The following TACC2 variants were observed in gnomAD, a reference collection of about 807,000 sequenced individuals.
The protein encoded by TACC2 is transforming acidic coiled-coil containing protein 2.
TACC2 carries 137 observed loss-of-function variants against 227.3 expected under a neutral mutation model. The observed-to-expected ratio is 0.60, with a 90% CI of 0.52 to 0.69. The LOEUF is 0.69. Among genes scored for constraint, TACC2 ranks in the 30% least tolerant of loss-of-function variants. TACC2 has a pLI of 0.00. For synonymous variants in TACC2, 1,523 were observed against 1,487.5 expected, an observed-to-expected ratio of 1.02 and a Z score of -0.55; for missense variants, 3,470 against 3,694.4, an observed-to-expected ratio of 0.94 and a Z score of 1.57.
intron 5 of TACC2, among the ~76,000 whole-genome samples, chr10:122,095,204 T>C (rs767550102): frequency 3.9e-5 from 6 of 152,144 alleles, no homozygotes; most frequent in Non-Finnish European, 7.4e-5. Context: ...CTTTCACCAA[T>C]GCCAGCCACC....
chr10:122,226,444 C>T lies in TACC2; in HGVS notation c.7687C>T (p.Pro2563Ser), dbSNP rs2095630305. 1.2e-6 allele frequency: 2 copies of T among 1,614,054 alleles called. No individual in the cohort carries two copies. Among genetic ancestry groups the T allele is most frequent in the East Asian group, 4.5e-5 (2 of 44,858 alleles). The change falls in exon 13 of 23, where the codon CCC (proline) becomes TCC (serine). Residue 2563 changes from proline to serine, a missense_variant. This residue lies in a region of TACC2 where 345 missense variants were observed against 354.4 expected (regional missense o/e 0.97). Coordinates refer to ENST00000369005, the MANE Select transcript of TACC2 (RefSeq NM_206862.4). ...TSQESPVKSS[P>S]VRMSESPTPC... The stretch of plus-strand genomic sequence containing the variant: ...TCAGGAGAGCCCTGTCAAGTCATCT[C>T]CCGTCCGCATGTCAGAGTCCCCGAC...
chr10:122,243,326 T>G (rs1190407155), intron 19 of TACC2, among the ~76,000 whole-genome samples: 1 of 152,186 alleles, frequency 6.6e-6, no homozygotes, highest in African/African-American at 2.4e-5. Context: ...TGTCCAAGTT[T>G]GACACTGTGC....
chr10:122,127,815 A>G lies in TACC2; in HGVS notation c.5574-4794A>G, dbSNP rs531648274. Among the ~76,000 whole-genome samples the G allele has an allele frequency of 1.2e-4, 18 of 152,360 alleles. No individual in the cohort carries two copies. In the South Asian group the frequency reaches 1.9e-3, roughly 16 times the overall value. On this transcript the variant is annotated intron_variant, in intron 5 of 22. Coordinates refer to ENST00000369005, the MANE Select transcript of TACC2 (RefSeq NM_206862.4). Reference sequence around the variant, plus strand: ...TCAGAAAGGGCCCGGAGCTGACAGCACAAAGTCAATTTGACAGTTTATTTC... The same window carrying G: ...TCAGAAAGGGCCCGGAGCTGACAGCGCAAAGTCAATTTGACAGTTTATTTC...
At chr10:122,007,298 C>T (rs897699488) in intron 1 of TACC2, among the ~76,000 whole-genome samples, 3 of 151,950 alleles carry the variant, frequency 2.0e-5, no homozygotes, top group Non-Finnish European at 4.4e-5. Flanking sequence ...AATTGACAAT[C>T]TTTTTATTCC....
intron 8 of TACC2, among the ~76,000 whole-genome samples, chr10:122,207,628 A>T (rs1219443736): frequency 6.6e-6 from 1 of 152,224 alleles, no homozygotes; most frequent in African/African-American, 2.4e-5. Context: ...TGCCAAGGAT[A>T]AGAAACCCTG....
At chr10:122,177,446 A>G (rs542035344) in intron 7 of TACC2, among the ~76,000 whole-genome samples, 5 of 152,234 alleles carry the variant, frequency 3.3e-5, no homozygotes, top group African/African-American at 1.2e-4. Context: ...GCATGAACCT[A>G]TAATCCCAGC....
At position 122,108,442 on chromosome 10, in the gene TACC2, CTTT is replaced by C. The variant is rs34097153; in HGVS notation, c.5573+19869_5573+19871del. On this transcript the variant is annotated intron_variant, in intron 5 of 22. Coordinates refer to ENST00000369005, the MANE Select transcript of TACC2 (RefSeq NM_206862.4). Reference sequence around the variant, plus strand: ...TATATATATGTGTATGTCATATTTTCTTTTTTTTTTTTTTTTTTTTGAGATGGA... The same window carrying C: ...TATATATATGTGTATGTCATATTTTCTTTTTTTTTTTTTTTTTGAGATGGA... 3.6e-3 allele frequency among the ~76,000 whole-genome samples: 327 copies of C among 90,042 alleles called. 1 individual carries two copies. The highest frequency in any genetic ancestry group is 0.011 in the African/African-American group (259 of 23,520). 59.1% of individuals were successfully genotyped at this position (90,042 alleles called of 152,430 possible).
intron 17 of TACC2, 102 bp from the exon 18 acceptor site, chr10:122,237,859 A>T: frequency 1.1e-6 from 1 of 883,912 alleles, no homozygotes; most frequent in Non-Finnish European, 1.8e-6. Context: ...GGAAGTTTTC[A>T]TTCCACATTT....
At chr10:122,018,666 T>G (rs961941353) in intron 1 of TACC2, among the ~76,000 whole-genome samples, 2 of 152,236 alleles carry the variant, frequency 1.3e-5, no homozygotes, top group African/African-American at 4.8e-5. Flanking sequence ...CTGGCTTCTT[T>G]CACTTCGGGT....
intron 2 of TACC2, among the ~76,000 whole-genome samples, chr10:122,032,768 G>A (rs933128329): frequency 5.9e-5 from 9 of 152,050 alleles, no homozygotes; most frequent in Middle Eastern, 3.2e-3. Flanking sequence ...AAACCTTCCT[G>A]GCCAACATGG....
intron 11 of TACC2, among the ~76,000 whole-genome samples, chr10:122,217,601 G>T (rs2095437138): frequency 6.6e-6 from 1 of 151,640 alleles, no homozygotes; most frequent in Non-Finnish European, 1.5e-5. Context: ...ACCACCCCCG[G>T]CTAATTTTTT....
intron 3 of TACC2, among the ~76,000 whole-genome samples, chr10:122,068,090 T>C (rs1236228605): frequency 6.6e-6 from 1 of 152,188 alleles, no homozygotes; most frequent in Non-Finnish European, 1.5e-5. Flanking sequence ...AATCTTTTTC[T>C]CTGCAGTGGC....
chr10:122,213,656 A>G (rs1029359861), intron 9 of TACC2, among the ~76,000 whole-genome samples: 2 of 152,130 alleles, frequency 1.3e-5, no homozygotes, highest in Admixed American at 1.3e-4. Flanking sequence ...TGCATATTGG[A>G]TGTCTTCATC....
At chr10:122,055,512 A>C (rs1257553538) in intron 3 of TACC2, among the ~76,000 whole-genome samples, 1 of 152,188 alleles carries the variant, frequency 6.6e-6, no homozygotes, top group African/African-American at 2.4e-5. Context: ...AACTGATGAG[A>C]ACACATGGAC....
At chr10:122,190,365 T>A (rs752351584) in intron 7 of TACC2, among the ~76,000 whole-genome samples, 1 of 152,190 alleles carries the variant, frequency 6.6e-6, no homozygotes, top group Non-Finnish European at 1.5e-5. Flanking sequence ...TAATTCAGCA[T>A]TGTGTGGAGC....
chr10:122,120,662 T>G (rs527484494), intron 5 of TACC2, among the ~76,000 whole-genome samples: 3 of 152,180 alleles, frequency 2.0e-5, no homozygotes, highest in Non-Finnish European at 1.5e-5. Context: ...GCTGTCACAT[T>G]GCTCACAGTG....
intron 6 of TACC2, among the ~76,000 whole-genome samples, 172 bp downstream of exon 6, chr10:122,132,906 G>T (rs2088655625): frequency 6.6e-6 from 1 of 152,020 alleles, no homozygotes; most frequent in Admixed American, 6.5e-5. Flanking sequence ...GTGTGCCAGA[G>T]TTGGGGCCTC....
chr10:122,245,765 C>A (rs577541841), intron 19 of TACC2, among the ~76,000 whole-genome samples: 1 of 152,202 alleles, frequency 6.6e-6, no homozygotes, highest in African/African-American at 2.4e-5. Flanking sequence ...ACTCTTCCTC[C>A]TTCTTGGGGG....
At chr10:121,998,312 CAAA>C (rs1278618833) in intron 1 of TACC2, among the ~76,000 whole-genome samples, 10 of 70,576 alleles carry the variant, frequency 1.4e-4, no homozygotes, top group Non-Finnish European at 1.4e-4. Context: ...ACCACGTTCT[CAAA>C]AAAAAAAAAA....
Sources: gnomAD v4.1 joint callset for allele counts (sites outside exome capture counted in the v4.1 genomes callset) on GRCh38, gnomAD v4.1.1 for gene constraint, gnomAD v4.1.1 regional missense constraint, MANE v1.5 for transcripts, NCBI Gene and HGNC (gene_info 2026-07-23, HGNC 2026-07-21) for gene names.